Variants in LINGO2 observed in about 807,000 individuals in gnomAD.
The protein encoded by LINGO2 is leucine rich repeat and Ig domain containing 2.
In LINGO2, 14 loss-of-function variants were observed where a neutral mutation model predicts 30.6. That is an observed-to-expected ratio of 0.46 (90% confidence interval 0.30 to 0.72). The LOEUF is 0.72. LINGO2 is among the 30% of genes least tolerant of loss of function. The pLI is 0.07. For synonymous variants in LINGO2, 317 were observed against 288.5 expected, an observed-to-expected ratio of 1.10 and a Z score of -1.00; for missense variants, 729 against 751.7, an observed-to-expected ratio of 0.97 and a Z score of 0.35.
At position 28,409,620 on chromosome 9, in the gene LINGO2, GGTGTGTGTGTGTGTGT is replaced by G. The variant is rs150611305; in HGVS notation, c.-278-36768_-278-36753del. 3.4e-5 allele frequency among the ~76,000 whole-genome samples: 5 copies of G among 146,206 alleles called. No homozygotes were observed. In the South Asian group the frequency reaches 8.8e-4, roughly 26 times the overall value. On this transcript the variant is annotated intron_variant, in intron 2 of 5. Coordinates refer to ENST00000379992, the Ensembl canonical transcript of LINGO2. ...AAAGCTGGCTTAACAGATGTGCAGG[GGTGTGTGTGTGTGTGT>G]GTGTGTGTGTGTGTGTGATGTTTCG...
chr9:29,061,231 G>T, the LINGO2 span, among the ~76,000 whole-genome samples: 3 of 151,972 alleles, frequency 2.0e-5, no homozygotes, highest in South Asian at 6.2e-4. Flanking sequence ...CTGTGAAATA[G>T]AAACCGTTCA....
chr9:27,967,036 G>GA, intron 5 of LINGO2, among the ~76,000 whole-genome samples: 1 of 152,108 alleles, frequency 6.6e-6, no homozygotes. Context: ...TAATCTCTCT[G>GA]GAGATTACCT....
In LINGO2 at chr9:28,056,712, GC is replaced by G. The variant is rs1365305331; in HGVS notation, c.-86-44308del. On this transcript the variant is annotated intron_variant, in intron 4 of 5. Transcript: ENST00000379992. ...AGATGTATGGAGCAGAAGAGACAGG[GC>G]CTGTGGCTTAAGCTTGACTTTTACT... is the stretch of plus-strand genomic sequence containing the variant. 2.6e-5 allele frequency among the ~76,000 whole-genome samples: 4 copies of G among 152,172 alleles called. No individual in the cohort carries two copies. The South Asian group carries it at 6.2e-4, about 24-fold the overall frequency.
intron 1 of LINGO2, among the ~76,000 whole-genome samples, chr9:28,544,268 T>G (rs1821833627): frequency 6.6e-6 from 1 of 152,138 alleles, no homozygotes; most frequent in South Asian, 2.1e-4. Flanking sequence ...GGCATAATTT[T>G]GAAGACCTCA....
chr9:28,959,636 A>G, the LINGO2 span, among the ~76,000 whole-genome samples: 1 of 151,834 alleles, frequency 6.6e-6, no homozygotes, highest in Middle Eastern at 3.4e-3. Flanking sequence ...ACACACACAC[A>G]CACACACACA....
chr9:29,060,973 G>A, the LINGO2 span, among the ~76,000 whole-genome samples: 1 of 151,806 alleles, frequency 6.6e-6, no homozygotes, highest in East Asian at 1.9e-4. Flanking sequence ...AATATTTGAA[G>A]AAATAATGGC....
At chr9:28,653,416 G>A (rs1828196278) in intron 1 of LINGO2, among the ~76,000 whole-genome samples, 1 of 152,074 alleles carries the variant, frequency 6.6e-6, no homozygotes, top group Admixed American at 6.6e-5. Context: ...ATTATAATAG[G>A]CCATAGCCCA....
intron 4 of LINGO2, among the ~76,000 whole-genome samples, chr9:28,153,399 C>T (rs1049492073): frequency 1.2e-4 from 19 of 152,048 alleles, no homozygotes; most frequent in African/African-American, 4.3e-4. Context: ...AAAAATAATT[C>T]TAATATATAC....
intron 5 of LINGO2, among the ~76,000 whole-genome samples, chr9:27,982,731 G>C (rs139946818): frequency 1.3e-5 from 2 of 151,860 alleles, no homozygotes; most frequent in African/African-American, 4.8e-5. Context: ...GCTGAGAGCA[G>C]AGAACCTGGA....
At chr9:29,184,285 G>GA in the LINGO2 span, among the ~76,000 whole-genome samples, 2 of 150,908 alleles carry the variant, frequency 1.3e-5, no homozygotes, top group Non-Finnish European at 3.0e-5. Context: ...AAAGAAAGAA[G>GA]AAAAAATCTG....
chr9:28,182,461 A>C (rs1057391858), intron 4 of LINGO2, among the ~76,000 whole-genome samples: 1 of 152,242 alleles, frequency 6.6e-6, no homozygotes, highest in Non-Finnish European at 1.5e-5. Flanking sequence ...AAAATTGATA[A>C]ATGGGATCTA....
intron 1 of LINGO2, among the ~76,000 whole-genome samples, chr9:28,517,229 C>A (rs750332958): frequency 6.9e-4 from 105 of 152,096 alleles, no homozygotes; most frequent in Non-Finnish European, 1.2e-3. Flanking sequence ...TTTTCTTCCC[C>A]CTCCACCCCC....
the LINGO2 span, among the ~76,000 whole-genome samples, chr9:29,141,596 G>A: frequency 6.6e-6 from 1 of 151,722 alleles, no homozygotes; most frequent in African/African-American, 2.4e-5. Flanking sequence ...CCAATAAAAA[G>A]ATTTATAGAG....
intron 1 of LINGO2, among the ~76,000 whole-genome samples, chr9:28,518,849 A>C (rs1253519615): frequency 6.6e-6 from 1 of 152,160 alleles, no homozygotes; most frequent in Non-Finnish European, 1.5e-5. Flanking sequence ...ATGTCAGTTT[A>C]ATTCTTAGGT....
the LINGO2 span, among the ~76,000 whole-genome samples, chr9:29,149,730 G>C: frequency 1.3e-5 from 2 of 152,152 alleles, no homozygotes; most frequent in African/African-American, 4.8e-5. Flanking sequence ...GACCTCTCCA[G>C]TGTACGTGGA....
chr9:29,137,492 T>C, the LINGO2 span, among the ~76,000 whole-genome samples: 3 of 152,152 alleles, frequency 2.0e-5, no homozygotes, highest in Admixed American at 1.3e-4. Flanking sequence ...AAAATCACAT[T>C]ACTACTGCTC....
the LINGO2 span, among the ~76,000 whole-genome samples, chr9:28,987,072 G>GTTT: frequency 9.2e-3 from 1,096 of 119,112 alleles, 18 homozygotes; most frequent in African/African-American, 0.027. Flanking sequence ...GTTCTAACAG[G>GTTT]TTTTTTTTTT....
At chr9:29,203,317 T>C in the LINGO2 span, among the ~76,000 whole-genome samples, 3 of 152,136 alleles carry the variant, frequency 2.0e-5, no homozygotes, top group African/African-American at 7.2e-5. Flanking sequence ...CAGACTTCAG[T>C]GTTTAAGGTT....
intron 3 of LINGO2, among the ~76,000 whole-genome samples, chr9:28,345,768 T>C (rs1819540787): frequency 6.6e-6 from 1 of 152,178 alleles, no homozygotes; most frequent in African/African-American, 2.4e-5. Flanking sequence ...TGGCTCATTA[T>C]GTATAAAATG....
Sources: allele counts gnomAD v4.1 joint callset (sites outside exome capture counted in the v4.1 genomes callset), GRCh38; gene constraint gnomAD v4.1.1; transcripts MANE v1.5; gene names NCBI Gene and HGNC (gene_info 2026-07-23, HGNC 2026-07-21).